DLEU7: variants seen among roughly 807,000 people sequenced by gnomAD.
The protein encoded by DLEU7 is deleted in lymphocytic leukemia 7, also known as leukemia-associated protein 7.
Under a neutral mutation model 16.0 loss-of-function variants are expected in DLEU7, and 17 were observed. The ratio of observed to expected loss-of-function variants is 1.06; its 90% CI spans 0.73 to 1.59. The LOEUF is 1.59. Ranked by LOEUF, DLEU7 falls within the 40% of genes most tolerant of loss-of-function variation. The pLI is 0.00. For missense variants in DLEU7, 308 were observed against 314.9 expected (o/e 0.98, Z 0.17); for synonymous variants, 113 against 139.8 (o/e 0.81, Z 1.35).
chr13:50,784,289 G>C (rs961975034), intron 1 of DLEU7, among the ~76,000 whole-genome samples: 5 of 152,166 alleles, frequency 3.3e-5, no homozygotes, highest in Non-Finnish European at 7.4e-5. Flanking sequence ...TACAGACCAG[G>C]TATTTTTCAC....
intron 1 of DLEU7, among the ~76,000 whole-genome samples, chr13:50,713,605 A>C (rs1210780792): frequency 6.6e-6 from 1 of 152,226 alleles, no homozygotes; most frequent in African/African-American, 2.4e-5. Flanking sequence ...CTCTATGGAA[A>C]AAGTGAGCTC....
chr13:50,769,386 G>A (rs778235227), intron 1 of DLEU7, among the ~76,000 whole-genome samples: 10 of 152,128 alleles, frequency 6.6e-5, no homozygotes, highest in Non-Finnish European at 1.3e-4. Context: ...GAATAGTATT[G>A]CCTAGGTTTT....
intron 1 of DLEU7, among the ~76,000 whole-genome samples, chr13:50,772,364 T>C (rs1285184391): frequency 6.6e-6 from 1 of 152,340 alleles, no homozygotes; most frequent in Non-Finnish European, 1.5e-5. Context: ...CTAGCCTCGA[T>C]GGTCTTCACA....
chr13:50,724,788 C>G lies in DLEU7; in HGVS notation c.460-11548G>C, dbSNP rs539817114. 1.5e-4 allele frequency among the ~76,000 whole-genome samples: 23 copies of G among 152,270 alleles called. No individual in the cohort carries two copies. In the South Asian group the frequency reaches 4.6e-3, roughly 30 times the overall value. ...TGCTCATCAGCATCACTCAGGAGCC[C>G]AAACTGCAGGAGCAGCCACCATTTC... is the stretch of plus-strand genomic sequence containing the variant. On this transcript the variant is annotated intron_variant, in intron 1 of 1. Coordinates refer to the DLEU7 transcript ENST00000400393.
chr13:50,776,143 T>C (rs1223292537), intron 1 of DLEU7, among the ~76,000 whole-genome samples: 1 of 152,244 alleles, frequency 6.6e-6, no homozygotes, highest in Non-Finnish European at 1.5e-5. Context: ...TACCTGTATA[T>C]CCTCAAGGGT....
At chr13:50,805,415 G>GT (rs914358492) in intron 1 of DLEU7, among the ~76,000 whole-genome samples, 2 of 152,026 alleles carry the variant, frequency 1.3e-5, no homozygotes, top group African/African-American at 4.8e-5. Context: ...TGGTGTGTTA[G>GT]TTTTTTAATG....
chr13:50,791,235 A>C (rs1875949163), intron 1 of DLEU7, among the ~76,000 whole-genome samples: 1 of 152,152 alleles, frequency 6.6e-6, no homozygotes, highest in Non-Finnish European at 1.5e-5. Flanking sequence ...CTCTTCTCTG[A>C]GCAATGTGCA....
chr13:50,772,778 C>T (rs1372666798), intron 1 of DLEU7, among the ~76,000 whole-genome samples: 10 of 152,078 alleles, frequency 6.6e-5, no homozygotes, highest in African/African-American at 1.4e-4. Context: ...ATCTTTGTGG[C>T]GTTCTCTGTA....
At chr13:50,805,811 A>G (rs1183919069) in intron 1 of DLEU7, among the ~76,000 whole-genome samples, 2 of 152,224 alleles carry the variant, frequency 1.3e-5, no homozygotes, top group Admixed American at 6.5e-5. Flanking sequence ...TCAGCAAACT[A>G]TAGCCCATTG....
intron 1 of DLEU7, among the ~76,000 whole-genome samples, chr13:50,781,795 T>TA (rs539322410): frequency 2.6e-5 from 4 of 151,750 alleles, no homozygotes; most frequent in East Asian, 3.9e-4. Context: ...ATAGAACAAA[T>TA]AAAAAAAAAT....
intron 1 of DLEU7, among the ~76,000 whole-genome samples, chr13:50,824,258 C>G (rs1336918289): frequency 2.0e-5 from 3 of 152,222 alleles, no homozygotes; most frequent in Non-Finnish European, 4.4e-5. Flanking sequence ...TTTTTAATCC[C>G]TAAATGGTTT....
chr13:50,749,785 T>C (rs75399457), intron 1 of DLEU7, among the ~76,000 whole-genome samples: 3 of 152,128 alleles, frequency 2.0e-5, no homozygotes, highest in African/African-American at 7.2e-5. Context: ...TTGGATGGGA[T>C]TGTTTGTTTT....
chr13:50,750,546 A>T (rs868065107), intron 1 of DLEU7, among the ~76,000 whole-genome samples: 7 of 152,152 alleles, frequency 4.6e-5, no homozygotes, highest in African/African-American at 1.7e-4. Context: ...TTTTCACAAT[A>T]TTGATTCAAC....
intron 1 of DLEU7, chr13:50,808,534 C>T (rs972006866): frequency 2.0e-5 from 3 of 152,108 alleles, no homozygotes; most frequent in Non-Finnish European, 2.9e-5. Flanking sequence ...ACATGCTTGT[C>T]TCTAGTACCT....
chr13:50,743,319 G>A (rs1874306028), intron 1 of DLEU7, among the ~76,000 whole-genome samples: 2 of 152,276 alleles, frequency 1.3e-5, no homozygotes, highest in African/African-American at 4.8e-5. Flanking sequence ...AAACAGAAGA[G>A]AAGGCTAGAG....
chr13:50,770,733 C>G (rs1314894002), intron 1 of DLEU7, among the ~76,000 whole-genome samples: 1 of 152,074 alleles, frequency 6.6e-6, no homozygotes, highest in Non-Finnish European at 1.5e-5. Context: ...CTAAAATTCT[C>G]TTTTTTTGTT....
chr13:50,739,719 A>G (rs1256299369), intron 1 of DLEU7, among the ~76,000 whole-genome samples: 1 of 152,108 alleles, frequency 6.6e-6, no homozygotes, highest in Non-Finnish European at 1.5e-5. Flanking sequence ...GTTTCTAGGG[A>G]ATGTTCTTTT....
chr13:50,843,038 C>T lies in DLEU7; in HGVS notation c.459+150G>A, dbSNP rs1366680781. Reference sequence around the variant, plus strand: ...CCTGCTGAGTCCCCAGAGTGTCCCCCGCCCCCTTCCTTCTCCCACTGGGGC... The same window carrying T: ...CCTGCTGAGTCCCCAGAGTGTCCCCTGCCCCCTTCCTTCTCCCACTGGGGC... On this transcript the variant is annotated intron_variant, in intron 1 of 1. Coordinates refer to ENST00000504404, the MANE Select transcript of DLEU7 (RefSeq NM_001306135.2). This position sits in a 1 kb window ranked among gnomAD's most constrained non-coding sequence, Gnocchi z 5.7. 1 of 841,778 alleles carries T rather than the reference C, an allele frequency of 1.2e-6. No individual in the cohort carries two copies. Among genetic ancestry groups the T allele is most frequent in the Admixed American group, 4.0e-5 (1 of 25,234 alleles). The allele number at this position is 841,778 out of a possible 1,614,324, so 52.1% of individuals were successfully genotyped here.
chr13:50,734,940 C>G (rs960441909), intron 1 of DLEU7, among the ~76,000 whole-genome samples: 2 of 152,096 alleles, frequency 1.3e-5, no homozygotes, highest in Non-Finnish European at 2.9e-5. Context: ...GGTAGATTAA[C>G]AGTAAATGAA....
Sources: gnomAD v4.1 joint callset for allele counts (sites outside exome capture counted in the v4.1 genomes callset) on GRCh38, gnomAD v4.1.1 for gene constraint, Gnocchi (gnomAD v3.1) non-coding constraint, MANE v1.5 for transcripts, NCBI Gene and HGNC (gene_info 2026-07-23, HGNC 2026-07-21) for gene names.